ADGRL2: variants seen among roughly 807,000 people sequenced by gnomAD.
ADGRL2 encodes the protein adhesion G protein-coupled receptor L2, also known as calcium-independent alpha-latrotoxin receptor 2.
ADGRL2 carries 44 observed loss-of-function variants against 157.4 expected under a neutral mutation model. That is an observed-to-expected ratio of 0.28 (90% CI 0.22 to 0.36). The LOEUF (loss-of-function observed/expected upper bound fraction) is 0.36, where lower values mean the gene tolerates loss of function less well. Ranked by LOEUF, ADGRL2 falls within the 10% of genes least tolerant of loss-of-function variation. The probability of loss-of-function intolerance (pLI) is 1.00; values close to 1 mark genes in which losing one functional copy is unlikely to be tolerated. For missense variants in ADGRL2, 1,510 were observed against 1,768.9 expected (o/e 0.85, Z 2.63); for synonymous variants, 585 against 624.7 (o/e 0.94, Z 0.95).
At chr1:81,348,574 G>A (rs1662649733) in intron 1 of ADGRL2, among the ~76,000 whole-genome samples, 1 of 152,172 alleles carries the variant, frequency 6.6e-6, no homozygotes, top group East Asian at 1.9e-4. Flanking sequence ...GAAAATGCTT[G>A]AGTTTGAGAG....
At chr1:81,747,701 T>TTGTGTG (rs10556401) in intron 1 of ADGRL2, among the ~76,000 whole-genome samples, 7,758 of 147,248 alleles carry the variant, frequency 0.053, 248 homozygotes, top group Non-Finnish European at 0.073. Flanking sequence ...CCTTTAATGT[T>TTGTGTG]TGTGTGTGTG....
At chr1:81,685,428 C>T (rs2083209240) in intron 3 of ADGRL2, among the ~76,000 whole-genome samples, 1 of 151,482 alleles carries the variant, frequency 6.6e-6, no homozygotes, top group Non-Finnish European at 1.5e-5. Context: ...TGATTTGATT[C>T]TCCACTTGGT....
intron 1 of ADGRL2, among the ~76,000 whole-genome samples, chr1:81,802,089 C>T (rs2088269194): frequency 1.3e-5 from 2 of 150,326 alleles, no homozygotes; most frequent in Admixed American, 1.3e-4. Flanking sequence ...GGCGCTGCCT[C>T]CCGCGCGGAC....
chr1:81,606,782 G>GCA, intron 3 of ADGRL2, among the ~76,000 whole-genome samples: 1 of 150,214 alleles, frequency 6.7e-6, no homozygotes, highest in African/African-American at 2.4e-5. Flanking sequence ...GTGCGCACGC[G>GCA]TGTGTGTGTG....
At chr1:81,722,417 A>T in intron 1 of ADGRL2, 1 of 978,032 alleles carries the variant, frequency 1.0e-6, no homozygotes, top group Non-Finnish European at 1.6e-6. Flanking sequence ...CACAAATGCC[A>T]TTAAGCTGAA....
chr1:81,755,191 T>C (rs998974307), intron 1 of ADGRL2, among the ~76,000 whole-genome samples: 3 of 100,746 alleles, frequency 3.0e-5, no homozygotes, highest in African/African-American at 9.1e-5. Flanking sequence ...GATTTAAAGA[T>C]ATATATATAT....
chr1:81,967,504 G>A (rs35690819), intron 13 of ADGRL2, among the ~76,000 whole-genome samples: 7 of 151,888 alleles, frequency 4.6e-5, no homozygotes, highest in East Asian at 1.9e-4. Flanking sequence ...CTTGTGATCC[G>A]CCCGCCTCAG....
chr1:81,708,163 C>T (rs1043711446), intron 1 of ADGRL2, among the ~76,000 whole-genome samples: 2 of 152,138 alleles, frequency 1.3e-5, no homozygotes, highest in African/African-American at 4.8e-5. Flanking sequence ...TTCTAAAGCA[C>T]TCAAGGAGGC....
At chr1:81,941,635 A>G (rs1166798267) in intron 4 of ADGRL2, among the ~76,000 whole-genome samples, 1 of 151,860 alleles carries the variant, frequency 6.6e-6, no homozygotes, top group Non-Finnish European at 1.5e-5. Flanking sequence ...TGATATACCT[A>G]TGCATGCATT....
intron 3 of ADGRL2, among the ~76,000 whole-genome samples, chr1:81,690,698 G>A (rs1024878142): frequency 6.6e-6 from 1 of 152,016 alleles, no homozygotes; most frequent in African/African-American, 2.4e-5. Context: ...TTTTTTCTGG[G>A]TTATTCATTT....
intron 2 of ADGRL2, among the ~76,000 whole-genome samples, chr1:81,838,261 T>A (rs2092385463): frequency 6.6e-6 from 1 of 152,068 alleles, no homozygotes; most frequent in Non-Finnish European, 1.5e-5. Flanking sequence ...GTTCAGTATA[T>A]TGATATGATG....
At chr1:81,901,541 A>G (rs1572011325) in intron 2 of ADGRL2, among the ~76,000 whole-genome samples, 1 of 152,082 alleles carries the variant, frequency 6.6e-6, no homozygotes, top group Non-Finnish European at 1.5e-5. Flanking sequence ...TTGGGAATCA[A>G]TTATGTAGAC....
chr1:81,907,941 G>A (rs942535699), intron 3 of ADGRL2, among the ~76,000 whole-genome samples: 1 of 152,186 alleles, frequency 6.6e-6, no homozygotes, highest in African/African-American at 2.4e-5. Flanking sequence ...TGAACTGCGT[G>A]TACCATGGTG....
intron 3 of ADGRL2, among the ~76,000 whole-genome samples, chr1:81,909,722 G>GTT (rs34439783): frequency 1.4e-4 from 20 of 147,202 alleles, no homozygotes; most frequent in South Asian, 1.3e-3. Flanking sequence ...ACCATTGCTT[G>GTT]TTTTTTTTTT....
chr1:81,666,817 A>C (rs1211251630), intron 3 of ADGRL2, among the ~76,000 whole-genome samples: 1 of 152,228 alleles, frequency 6.6e-6, no homozygotes, highest in Non-Finnish European at 1.5e-5. Context: ...CATTGGCCTT[A>C]TGGTCAACCA....
chr1:81,880,461 G>GT (rs1181708344), intron 2 of ADGRL2, among the ~76,000 whole-genome samples: 4 of 152,172 alleles, frequency 2.6e-5, no homozygotes, highest in Non-Finnish European at 5.9e-5. Context: ...TCTTGTCTCA[G>GT]TACCAGGAAG....
intron 3 of ADGRL2, among the ~76,000 whole-genome samples, chr1:81,619,331 T>G (rs2081738050): frequency 6.6e-6 from 1 of 151,640 alleles, no homozygotes; most frequent in South Asian, 2.1e-4. Context: ...CTTTAGTACC[T>G]CATTGCCCTG....
intron 3 of ADGRL2, among the ~76,000 whole-genome samples, chr1:81,594,465 G>A (rs180977276): frequency 6.6e-6 from 1 of 152,302 alleles, no homozygotes; most frequent in East Asian, 1.9e-4. Context: ...TTATCCTGCA[G>A]ATGGTTTTTG....
intron 2 of ADGRL2, chr1:81,503,029 G>A (rs2078889068): frequency 1.2e-6 from 2 of 1,612,426 alleles, no homozygotes; most frequent in African/African-American, 2.7e-5. Flanking sequence ...CCAGCAGGCT[G>A]GTACTCGGAC....
Sources: allele counts gnomAD v4.1 joint callset (sites outside exome capture counted in the v4.1 genomes callset), GRCh38; gene constraint gnomAD v4.1.1; transcripts MANE v1.5; gene names NCBI Gene and HGNC (gene_info 2026-07-23, HGNC 2026-07-21).